Variants in EPHB2 observed in about 807,000 individuals in gnomAD.
The protein encoded by EPHB2 is EPH receptor B2.
A neutral mutation model predicts 96.4 loss-of-function variants in EPHB2; 18 were observed. The ratio of observed to expected loss-of-function variants is 0.19; its 90% CI spans 0.13 to 0.28. The LOEUF (loss-of-function observed/expected upper bound fraction) is 0.28. Among genes scored for constraint, EPHB2 ranks in the 10% least tolerant of loss-of-function variants. The pLI is 1.00. For synonymous variants in EPHB2, 506 were observed against 534.1 expected, an observed-to-expected ratio of 0.95 and a Z score of 0.72; for missense variants, 989 against 1,355.4, an observed-to-expected ratio of 0.73 and a Z score of 4.25.
intron 3 of EPHB2, among the ~76,000 whole-genome samples, chr1:22,854,930 C>T (rs998328979): frequency 6.6e-6 from 1 of 152,162 alleles, no homozygotes; most frequent in African/African-American, 2.4e-5. Context: ...CAAAACCCCA[C>T]CCACTCAACC....
At chr1:22,884,422 C>T (rs1034407281) in intron 6 of EPHB2, among the ~76,000 whole-genome samples, 3 of 152,110 alleles carry the variant, frequency 2.0e-5, no homozygotes, top group Non-Finnish European at 2.9e-5. Context: ...GGGTGGATCA[C>T]GGGCCTGACC....
intron 1 of EPHB2, among the ~76,000 whole-genome samples, chr1:22,780,203 G>A (rs1353507014): frequency 2.0e-5 from 3 of 152,222 alleles, no homozygotes; most frequent in Non-Finnish European, 4.4e-5. Context: ...GGCAAGGAAA[G>A]GGTAGAGGAC....
chr1:22,872,899 C>T (rs913986026), intron 5 of EPHB2, among the ~76,000 whole-genome samples: 6 of 152,198 alleles, frequency 3.9e-5, no homozygotes, highest in Non-Finnish European at 7.3e-5. Context: ...GTGCTTATGC[C>T]TGAGACCACG....
At chr1:22,765,611 T>C (rs1049591889) in intron 1 of EPHB2, among the ~76,000 whole-genome samples, 4 of 148,466 alleles carry the variant, frequency 2.7e-5, no homozygotes, top group African/African-American at 7.4e-5. Flanking sequence ...GCTGGAACCC[T>C]GGGGCCCTTC....
At chr1:22,779,809 T>C (rs1644503482) in intron 1 of EPHB2, among the ~76,000 whole-genome samples, 1 of 152,238 alleles carries the variant, frequency 6.6e-6, no homozygotes, top group African/African-American at 2.4e-5. Flanking sequence ...ATTTGTTTCC[T>C]GGAACACTGT....
Position 22,858,243 on chromosome 1 carries a change from G to A in EPHB2, c.812-4794G>A, listed in dbSNP as rs545505895. Among the ~76,000 whole-genome samples the A allele has an allele frequency of 2.3e-4, 35 of 152,250 alleles. No homozygotes were observed. Among genetic ancestry groups the A allele is most frequent in the East Asian group, 1.2e-3 (6 of 5,180 alleles). ...GTGAGTGAGAGGAGGAGGGGGAAGCGTCCAGGAGACCATCAGGACCAACCT... is the reference window on the plus strand; with the variant it reads ...GTGAGTGAGAGGAGGAGGGGGAAGCATCCAGGAGACCATCAGGACCAACCT... On this transcript the variant is annotated intron_variant, in intron 3 of 15. Coordinates refer to ENST00000374630, the MANE Select transcript of EPHB2 (RefSeq NM_017449.5). This position sits in a 1 kb window ranked among gnomAD's most constrained non-coding sequence, Gnocchi z 7.7.
chr1:22,797,154 G>A (rs560071403), intron 3 of EPHB2, among the ~76,000 whole-genome samples: 13 of 152,264 alleles, frequency 8.5e-5, no homozygotes, highest in East Asian at 5.8e-4. Context: ...GGACTGGAAC[G>A]GGGGTCACCG....
rs969702593 is a variant in EPHB2, at chr1:22,784,454, C to T, written c.189C>T (p.Asn63=). 13 of 1,614,188 alleles carry T rather than the reference C, an allele frequency of 8.1e-6. No individual in the cohort carries two copies. The highest frequency in any genetic ancestry group is 1.6e-4 in the Middle Eastern group (1 of 6,062). The change falls in exon 3 of 16, where the codon AAC becomes AAT. Residue 63 remains asparagine (N), a synonymous_variant. Coordinates refer to ENST00000374630, the MANE Select transcript of EPHB2 (RefSeq NM_017449.5). This position sits in a 1 kb window ranked among gnomAD's most constrained non-coding sequence, Gnocchi z 5.1. Reference sequence around the variant, plus strand: ...CGATCCGCACGTACCAGGTGTGCAACGTGTTTGAGTCAAGCCAGAACAACT... The same window carrying T: ...CGATCCGCACGTACCAGGTGTGCAATGTGTTTGAGTCAAGCCAGAACAACT... ...MNTIRTYQVC[N]VFESSQNNWL...
At chr1:22,794,076 T>C (rs1644734403) in intron 3 of EPHB2, among the ~76,000 whole-genome samples, 1 of 152,166 alleles carries the variant, frequency 6.6e-6, no homozygotes, top group Non-Finnish European at 1.5e-5. Flanking sequence ...GAACCTCAGT[T>C]TGCTTACCTG....
chr1:22,758,928 G>A (rs1301357168), intron 1 of EPHB2, among the ~76,000 whole-genome samples: 1 of 137,468 alleles, frequency 7.3e-6, no homozygotes, highest in African/African-American at 2.6e-5. Context: ...TGGGTGGGTG[G>A]GTGGGTGGAT....
At chr1:22,751,702 C>T (rs1275536015) in intron 1 of EPHB2, among the ~76,000 whole-genome samples, 1 of 152,172 alleles carries the variant, frequency 6.6e-6, no homozygotes, top group East Asian at 1.9e-4. Context: ...GCTGTGCCAT[C>T]CTCAGGTAGG....
chr1:22,851,028 T>G (rs1382374723), intron 3 of EPHB2, among the ~76,000 whole-genome samples: 1 of 152,214 alleles, frequency 6.6e-6, no homozygotes, highest in Non-Finnish European at 1.5e-5. Context: ...AGGGTCTTGC[T>G]CTGTTGCCCA....
rs781119493 is a variant in EPHB2, at chr1:22,910,536, A to T, written c.2657A>T (p.Asn886Ile). Residue 886 changes from asparagine (N) to isoleucine (I), a missense_variant, in exon 14 of 16, where the codon AAT (asparagine) becomes ATT (isoleucine). Physicochemically the swap from Asn to Ile is moderately radical, Grantham distance 149. Coordinates refer to ENST00000374630, the MANE Select transcript of EPHB2 (RefSeq NM_017449.5). ...AACACGCTAGACAAGATGATCCGCAATCCCAACAGCCTCAAAGCCATGGCG... is the reference window on the plus strand; with the variant it reads ...AACACGCTAGACAAGATGATCCGCATTCCCAACAGCCTCAAAGCCATGGCG... The part of the protein sequence containing the change: ...IVNTLDKMIR[N>I]PNSLKAMAPL... The T allele has an allele frequency of 6.8e-6, 11 of 1,612,914 alleles. No homozygotes were observed. The South Asian group carries it at 1.2e-4, about 18-fold the overall frequency.
At chr1:22,825,467 G>A (rs1169250434) in intron 3 of EPHB2, among the ~76,000 whole-genome samples, 1 of 152,198 alleles carries the variant, frequency 6.6e-6, no homozygotes. Context: ...ACTGGTCCAG[G>A]ACTCAGGATA....
intron 3 of EPHB2, among the ~76,000 whole-genome samples, chr1:22,806,512 T>C (rs61768190): frequency 0.11 from 498 of 4,332 alleles, 4 homozygotes; most frequent in Admixed American, 0.28. Context: ...GACGGATGGA[T>C]GGATGGATGG....
intron 1 of EPHB2, among the ~76,000 whole-genome samples, chr1:22,753,161 G>A (rs1193024841): frequency 6.6e-6 from 1 of 152,118 alleles, no homozygotes; most frequent in Non-Finnish European, 1.5e-5. Context: ...TTGTGGTATG[G>A]AAGAAAGAGT....
intron 3 of EPHB2, among the ~76,000 whole-genome samples, chr1:22,830,028 A>G (rs1180107711): frequency 6.6e-6 from 1 of 152,188 alleles, no homozygotes; most frequent in African/African-American, 2.4e-5. Context: ...TGGCTGTGCG[A>G]GTTCATGATC....
chr1:22,725,347 C>T (rs1643558519), intron 1 of EPHB2, among the ~76,000 whole-genome samples: 1 of 151,880 alleles, frequency 6.6e-6, no homozygotes, highest in Admixed American at 6.6e-5. Flanking sequence ...GGCTGGCTGG[C>T]TGGATAGATG....
chr1:22,756,529 C>T (rs929515765), intron 1 of EPHB2, among the ~76,000 whole-genome samples: 2 of 152,088 alleles, frequency 1.3e-5, no homozygotes, highest in African/African-American at 4.8e-5. Flanking sequence ...GAGGGTGTCC[C>T]GTCTGGGTTG....
Sources: allele counts gnomAD v4.1 joint callset (sites outside exome capture counted in the v4.1 genomes callset), GRCh38; gene constraint gnomAD v4.1.1; non-coding constraint Gnocchi (gnomAD v3.1); transcripts MANE v1.5; gene names NCBI Gene and HGNC (gene_info 2026-07-23, HGNC 2026-07-21).